Variants in ADGRD2 observed in about 807,000 individuals in gnomAD.
ADGRD2 encodes the protein adhesion G protein-coupled receptor D2.
Under a neutral mutation model 44.4 loss-of-function variants are expected in ADGRD2, and 71 were observed. The ratio of observed to expected loss-of-function variants is 1.60; its 90% CI spans 1.32 to 1.95. The LOEUF (loss-of-function observed/expected upper bound fraction) is 1.95, where lower values mean the gene tolerates loss of function less well. Ranked by LOEUF, ADGRD2 falls within the 30% of genes most tolerant of loss-of-function variation. ADGRD2 has a pLI of 0.00. For synonymous variants in ADGRD2, 481 were observed against 224.8 expected, an observed-to-expected ratio of 2.14 and a Z score of -10.19; for missense variants, 1,039 against 512.4, an observed-to-expected ratio of 2.03 and a Z score of -9.92.
chr9:124,471,544 T>A (rs7852843), intron 17 of ADGRD2, among the ~76,000 whole-genome samples: 1 of 152,140 alleles, frequency 6.6e-6, no homozygotes, highest in African/African-American at 2.4e-5. Context: ...TATCTCCCAA[T>A]AAGCCTTGTA....
chr9:124,469,834 G>A (rs774890328), intron 16 of ADGRD2, among the ~76,000 whole-genome samples: 3 of 152,254 alleles, frequency 2.0e-5, no homozygotes, highest in Non-Finnish European at 4.4e-5. Flanking sequence ...TGTTCAAGGA[G>A]TGCACTGTCT....
Position 124,453,015 on chromosome 9 carries a change from C to T in ADGRD2, c.282-20C>T. On this transcript the variant is annotated intron_variant, in intron 2 of 21. Coordinates refer to ENST00000334810, the Ensembl canonical transcript of ADGRD2. Reference sequence around the variant, plus strand: ...TGCACAGGTGAGGAAACTGAGGTCGCAGCCCACGTGTCCCTGCAGGTGCGC... The same window carrying T: ...TGCACAGGTGAGGAAACTGAGGTCGTAGCCCACGTGTCCCTGCAGGTGCGC... 1 of 638,228 alleles carries T rather than the reference C, an allele frequency of 1.6e-6. No homozygotes were observed. The highest frequency in any genetic ancestry group is 2.8e-6 in the Non-Finnish European group (1 of 353,180). The allele number at this position is 638,228 out of a possible 1,614,324, so 39.5% of individuals were successfully genotyped here.
intron 21 of ADGRD2, chr9:124,477,224 T>C (rs993318372): frequency 3.5e-5 from 13 of 367,586 alleles, no homozygotes; most frequent in African/African-American, 1.1e-4. Flanking sequence ...GGGTGGGTAC[T>C]GTGGGAGGGT....
At chr9:124,456,561 C>T (rs1209144446) in intron 6 of ADGRD2, 61 bp from the exon 10 acceptor site, 1 of 711,702 alleles carries the variant, frequency 1.4e-6, no homozygotes, top group Admixed American at 2.0e-5. Flanking sequence ...TCCCAGCGCT[C>T]AGGGCAGGCG....
intron 6 of ADGRD2, among the ~76,000 whole-genome samples, chr9:124,456,400 T>C (rs768773332): frequency 2.0e-5 from 3 of 152,066 alleles, no homozygotes; most frequent in African/African-American, 4.8e-5. Context: ...ATGGGGTGGC[T>C]TGGGAGATAG....
At chr9:124,452,625 G>A (rs750627016) in exon 2 of ADGRD2, 62 of 718,252 alleles carry the variant, frequency 8.6e-5, no homozygotes, top group South Asian at 3.0e-5. Flanking sequence ...TTGGCCACTT[G>A]GCACTGCAGC....
At chr9:124,475,171 G>A (rs1405343082) in intron 17 of ADGRD2, among the ~76,000 whole-genome samples, 1 of 152,256 alleles carries the variant, frequency 6.6e-6, no homozygotes, top group East Asian at 1.9e-4. Context: ...GTGGGGCACA[G>A]AGGACTGGAG....
chr9:124,451,451 A>G (rs954496350), upstream of ADGRD2: 1 of 354,250 alleles, frequency 2.8e-6, no homozygotes, highest in African/African-American at 2.1e-5. Context: ...TGTCGTCCCT[A>G]CTAGGTGGGC....
intron 11 of ADGRD2, chr9:124,467,404 C>T (rs1431821147): frequency 9.2e-6 from 3 of 324,830 alleles, no homozygotes; most frequent in Non-Finnish European, 1.7e-5. Flanking sequence ...GAGTATCATC[C>T]GCAGCCCCAT....
chr9:124,453,325 C>A, exon 3 of ADGRD2: 5 of 496,742 alleles, frequency 1.0e-5, no homozygotes, highest in Non-Finnish European at 1.7e-5. Flanking sequence ...CCGCTGGCAC[C>A]ATGTGTGCGC....
chr9:124,474,027 G>A (rs1832000186), intron 17 of ADGRD2, among the ~76,000 whole-genome samples: 1 of 152,128 alleles, frequency 6.6e-6, no homozygotes, highest in Non-Finnish European at 1.5e-5. Flanking sequence ...TGTAATCCCA[G>A]CACTTTGGGA....
At chr9:124,472,337 A>G (rs12338118) in intron 17 of ADGRD2, among the ~76,000 whole-genome samples, 82,986 of 151,560 alleles carry the variant, frequency 0.55, 23,308 homozygotes, top group East Asian at 0.77. Flanking sequence ...CCCTCTGGCC[A>G]TGGATGTTTT....
exon 2 of ADGRD2, chr9:124,452,593 C>G (rs777690075): frequency 1.4e-6 from 1 of 718,418 alleles, no homozygotes; most frequent in Non-Finnish European, 2.6e-6. Flanking sequence ...GTGGCAGGCC[C>G]AAGAGTCCTG....
In ADGRD2 at chr9:124,452,285, G is replaced by A. The variant is rs543959578; in HGVS notation, c.68+127G>A. On this transcript the variant is annotated intron_variant, in intron 1 of 21. Transcript: ENST00000334810. ...ATTTAGTTCCACCCCCACCATACCAGGCCCTGCGAGGAACGCTTCACTGGT... is the reference window on the plus strand; with the variant it reads ...ATTTAGTTCCACCCCCACCATACCAAGCCCTGCGAGGAACGCTTCACTGGT... 6.6e-4 allele frequency: 416 copies of A among 634,468 alleles called. 1 individual carries two copies. The highest frequency in any genetic ancestry group is 1.1e-3 in the Non-Finnish European group (372 of 345,248). 39.3% of individuals were successfully genotyped at this position (634,468 alleles called of 1,614,324 possible).
chr9:124,475,160 C>G (rs1167633375), intron 17 of ADGRD2, among the ~76,000 whole-genome samples: 1 of 152,246 alleles, frequency 6.6e-6, no homozygotes, highest in African/African-American at 2.4e-5. Flanking sequence ...ACAGGCCCAG[C>G]GTGGGGCACA....
intron 11 of ADGRD2, 135 bp from the exon 15 acceptor site, chr9:124,467,586 C>T (rs1192812034): frequency 3.1e-6 from 2 of 637,332 alleles, no homozygotes; most frequent in East Asian, 5.4e-5. Flanking sequence ...GTGTGCAGGC[C>T]TGGGTCCTGC....
At chr9:124,453,946 C>T (rs952238809) in intron 3 of ADGRD2, 53 bp from the exon 7 acceptor site, 3 of 614,358 alleles carry the variant, frequency 4.9e-6, no homozygotes, top group Non-Finnish European at 5.9e-6. Flanking sequence ...GCCGTGCGTC[C>T]TGGCTCGCCA....
Position 124,453,695 on chromosome 9 carries a change from C to CCCCCCCCCCCCCAA in ADGRD2, c.923+19_923+20insCCCCCCCCCCCCAA. 1 of 678,234 alleles carries CCCCCCCCCCCCCAA rather than the reference C, an allele frequency of 1.5e-6. No individual in the cohort carries two copies. Among genetic ancestry groups the CCCCCCCCCCCCCAA allele is most frequent in the Admixed American group, 2.1e-5 (1 of 47,472 alleles). The allele number at this position is 678,234 out of a possible 1,614,324, so 42.0% of individuals were successfully genotyped here. ...TGTCCCGGTACGACCCGCCCCGCCCCGGCCCCACCCCATGGCCCCGAATCC... is the reference window on the plus strand; with the variant it reads ...TGTCCCGGTACGACCCGCCCCGCCCCCCCCCCCCCCCCAAGGCCCCACCCCATGGCCCCGAATCC... On this transcript the variant is annotated intron_variant, in intron 3 of 21. Transcript: ENST00000334810.
intron 7 of ADGRD2, 92 bp from the exon 11 acceptor site, chr9:124,457,380 C>A: frequency 2.1e-6 from 1 of 481,744 alleles, no homozygotes; most frequent in East Asian, 3.1e-5. Context: ...AGGCCTATGG[C>A]AGGAAGGAGG....
Sources: allele counts gnomAD v4.1 joint callset (sites outside exome capture counted in the v4.1 genomes callset), GRCh38; gene constraint gnomAD v4.1.1; transcripts MANE v1.5; gene names NCBI Gene and HGNC (gene_info 2026-07-23, HGNC 2026-07-21).